MFSD11: variants seen among roughly 807,000 people sequenced by gnomAD.
MFSD11 encodes UNC93-like protein MFSD11.
Under a neutral mutation model 53.5 loss-of-function variants are expected in MFSD11, and 36 were observed. The observed-to-expected ratio is 0.67, with a 90% CI of 0.52 to 0.89. The LOEUF is 0.89. Ranked by LOEUF, MFSD11 falls within the 40% of genes least tolerant of loss-of-function variation. MFSD11 has a pLI of 0.00. For missense variants in MFSD11, 530 were observed against 543.9 expected, an observed-to-expected ratio of 0.97 and a Z score of 0.25; for synonymous variants, 186 against 184.9, an observed-to-expected ratio of 1.01 and a Z score of -0.05.
downstream of MFSD11, among the ~76,000 whole-genome samples, chr17:76,781,650 G>A (rs1433146638): frequency 6.6e-6 from 1 of 152,144 alleles, no homozygotes; most frequent in African/African-American, 2.4e-5. Context: ...TAATGACACT[G>A]AGAATTTTAA....
chr17:76,770,031 CTTT>C (rs367900405), intron 10 of MFSD11, among the ~76,000 whole-genome samples, 160 bp downstream of exon 10: 1 of 131,084 alleles, frequency 7.6e-6, no homozygotes, highest in Non-Finnish European at 1.6e-5. Context: ...TATTCTTTTT[CTTT>C]TTTTTTTTTT....
At chr17:76,798,375 T>C in the MFSD11 span, among the ~76,000 whole-genome samples, 109,166 of 151,954 alleles carry the variant, frequency 0.72, 40,098 homozygotes, top group Middle Eastern at 0.81. Flanking sequence ...TCTCCAGATT[T>C]GAGAGATTTT....
intron 8 of MFSD11, among the ~76,000 whole-genome samples, chr17:76,761,412 T>C (rs1327743035): frequency 2.0e-5 from 3 of 152,164 alleles, no homozygotes; most frequent in Non-Finnish European, 4.4e-5. Flanking sequence ...TGGAAATAAG[T>C]ATTCAACTGT....
At chr17:76,743,971 C>T (rs148175602) in intron 6 of MFSD11, among the ~76,000 whole-genome samples, 3 of 152,246 alleles carry the variant, frequency 2.0e-5, no homozygotes, top group Non-Finnish European at 2.9e-5. Flanking sequence ...AGGGGCTTCT[C>T]AGGGTCTAAG....
chr17:76,776,639 ATTTATTTATT>A lies in MFSD11; in HGVS notation c.1185+106_1185+115del. On this transcript the variant is annotated intron_variant, in intron 12 of 12. Transcript: ENST00000685175. The surrounding 1 kb of genome is among the most constrained non-coding windows in gnomAD (Gnocchi z 4.2). ...TACTTGTATTGTGGTTTTAATTTTT[ATTTATTTATT>A]TTTATTTTTTTGATAGAGTCTCTCT... 1 of 1,166,370 alleles carries A rather than the reference ATTTATTTATT, an allele frequency of 8.6e-7. No homozygotes were observed. The highest frequency in any genetic ancestry group is 1.2e-6 in the Non-Finnish European group (1 of 863,802). The allele number at this position is 1,166,370 out of a possible 1,614,324, so 72.3% of individuals were successfully genotyped here. A position where few individuals can be genotyped will look rare whatever the true frequency, so the allele number is the denominator to read the frequency against.
the MFSD11 span, among the ~76,000 whole-genome samples, chr17:76,793,419 G>A: frequency 8.7e-4 from 132 of 151,528 alleles, 3 homozygotes; most frequent in African/African-American, 2.8e-3. Context: ...TGTTCCGCCC[G>A]GCTCACCAGC....
chr17:76,781,313 A>G (rs776602337), downstream of MFSD11: 1 of 152,322 alleles, frequency 6.6e-6, no homozygotes, highest in South Asian at 2.1e-4. Context: ...AGCCTACGAC[A>G]TGGCAGCTGT....
the MFSD11 span, among the ~76,000 whole-genome samples, chr17:76,801,908 C>T: frequency 6.6e-6 from 1 of 152,100 alleles, no homozygotes; most frequent in Non-Finnish European, 1.5e-5. Context: ...CCTGGGAATG[C>T]AGCCCATTAG....
chr17:76,769,914 A>G, intron 10 of MFSD11, 43 bp downstream of exon 10: 1 of 1,560,434 alleles, frequency 6.4e-7, no homozygotes, highest in Non-Finnish European at 8.7e-7. Flanking sequence ...ATATCAGTTT[A>G]TTATAGGTAA....
Position 76,743,460 on chromosome 17 carries a change from T to A in MFSD11, c.496+4T>A. 3 of 1,562,410 alleles carry A rather than the reference T, an allele frequency of 1.9e-6. No individual in the cohort carries two copies. The highest frequency in any genetic ancestry group is 2.6e-6 in the Non-Finnish European group (3 of 1,154,654). On this transcript the variant is annotated splice_donor_region_variant and intron_variant, in intron 6 of 12. Transcript: ENST00000685175. ...CAAGGGAAAACTCAGATATCAGGTT[T>A]GTTTTATTCGCGTTGCTTTATTCAG...
At chr17:76,803,673 G>A in the MFSD11 span, among the ~76,000 whole-genome samples, 5 of 151,998 alleles carry the variant, frequency 3.3e-5, no homozygotes, top group Non-Finnish European at 7.4e-5. Flanking sequence ...TTTCATCTCT[G>A]ACCCAACAGT....
At chr17:76,762,610 C>T (rs1438206680) in intron 8 of MFSD11, among the ~76,000 whole-genome samples, 8 of 145,110 alleles carry the variant, frequency 5.5e-5, no homozygotes, top group African/African-American at 2.0e-4. Flanking sequence ...GAGCCGAGAT[C>T]GCGCCACTGC....
At chr17:76,759,557 C>A (rs1032161066) in intron 8 of MFSD11, among the ~76,000 whole-genome samples, 2 of 151,956 alleles carry the variant, frequency 1.3e-5, no homozygotes, top group East Asian at 1.9e-4. Flanking sequence ...CAGGTTTAAG[C>A]GATTCTCCTG....
rs771151267 is a variant in MFSD11, at chr17:76,744,376, CAGTTCTATTCT to C, written c.552_562del (p.Val185SerfsTer8). ...CTAACGGTGATTAGCCTTGTGGGGA[CAGTTCTATTCT>C]TTCTCATTCGGAAACCAGATTCTGA... On this transcript the variant is annotated frameshift_variant, in exon 7 of 13. Coordinates refer to ENST00000685175, the MANE Select transcript of MFSD11 (RefSeq NM_001242532.5). LOFTEE classifies it high-confidence loss of function. 1.4e-5 allele frequency: 22 copies of C among 1,613,862 alleles called. No homozygotes were observed. The highest frequency in any genetic ancestry group is 1.8e-5 in the Non-Finnish European group (21 of 1,179,916).
chr17:76,784,961 C>T (rs145889408), downstream of MFSD11, among the ~76,000 whole-genome samples: 1,350 of 152,236 alleles, frequency 8.9e-3, 19 homozygotes, highest in African/African-American at 0.03. Flanking sequence ...ACATATGATC[C>T]AGTAATTTCA....
the MFSD11 span, among the ~76,000 whole-genome samples, chr17:76,789,712 T>A: frequency 6.7e-6 from 1 of 150,044 alleles, no homozygotes; most frequent in Non-Finnish European, 1.5e-5. Context: ...TCTGCCTAAC[T>A]GCCTACTCTA....
At chr17:76,757,168 G>A (rs2079736761) in intron 8 of MFSD11, among the ~76,000 whole-genome samples, 1 of 152,148 alleles carries the variant, frequency 6.6e-6, no homozygotes, top group Non-Finnish European at 1.5e-5. Flanking sequence ...ACCAGATTCA[G>A]GACATCTCAC....
chr17:76,759,039 A>T (rs569366445), intron 8 of MFSD11, among the ~76,000 whole-genome samples: 1 of 152,250 alleles, frequency 6.6e-6, no homozygotes, highest in African/African-American at 2.4e-5. Flanking sequence ...TGAGCTCAGG[A>T]GTTCGAGACC....
the MFSD11 span, among the ~76,000 whole-genome samples, chr17:76,798,198 ATTTAC>A: frequency 1.3e-5 from 2 of 152,058 alleles, no homozygotes; most frequent in Non-Finnish European, 2.9e-5. Flanking sequence ...CAGGAAAACA[ATTTAC>A]TTAAAATTGC....
Sources: allele counts gnomAD v4.1 joint callset (sites outside exome capture counted in the v4.1 genomes callset), GRCh38; gene constraint gnomAD v4.1.1; non-coding constraint Gnocchi (gnomAD v3.1); transcripts MANE v1.5; gene names NCBI Gene and HGNC (gene_info 2026-07-23, HGNC 2026-07-21).